PMEPA1: variants seen among roughly 807,000 people sequenced by gnomAD.
PMEPA1 encodes prostate transmembrane protein, androgen induced 1, also known as protein TMEPAI.
In PMEPA1, 11 loss-of-function variants were observed where a neutral mutation model predicts 23.0. That is an observed-to-expected ratio of 0.48 (90% CI 0.30 to 0.79). The LOEUF is 0.79. Among genes scored for constraint, PMEPA1 ranks in the 30% least tolerant of loss-of-function variants. The probability of loss-of-function intolerance (pLI) is 0.06; values close to 1 mark genes in which losing one functional copy is unlikely to be tolerated. For missense variants in PMEPA1, 377 were observed against 390.9 expected (o/e 0.96, Z 0.30); for synonymous variants, 204 against 166.4 (o/e 1.23, Z -1.74).
Position 57,655,980 on chromosome 20 carries a change from C to T in PMEPA1, c.265-2894G>A, listed in dbSNP as rs112802546. ...GACCTCATTGACAAAACCAGGCAGC[C>T]GCAGTGAGCTGACGCTCAGGCAGCT... On this transcript the variant is annotated intron_variant, in intron 2 of 3. Transcript: ENST00000341744. The surrounding 1 kb of genome is among the most constrained non-coding windows in gnomAD (Gnocchi z 4.2). 9.0e-4 allele frequency among the ~76,000 whole-genome samples: 137 copies of T among 152,084 alleles called. 1 individual carries two copies. Among genetic ancestry groups the T allele is most frequent in the African/African-American group, 3.0e-3 (126 of 41,528 alleles).
chr20:57,666,076 A>G (rs899320497), intron 1 of PMEPA1, among the ~76,000 whole-genome samples: 19 of 151,646 alleles, frequency 1.3e-4, no homozygotes, highest in African/African-American at 3.9e-4. Flanking sequence ...TGATGAATGC[A>G]GCAGGCTCTC....
chr20:57,694,887 GGTAA>G (rs1018225304), intron 1 of PMEPA1, among the ~76,000 whole-genome samples: 7 of 152,226 alleles, frequency 4.6e-5, no homozygotes, highest in African/African-American at 1.7e-4. Flanking sequence ...CCACAAAGCC[GGTAA>G]GTGAGGCTGC....
chr20:57,662,991 C>G (rs913478669), intron 1 of PMEPA1, among the ~76,000 whole-genome samples: 34 of 152,194 alleles, frequency 2.2e-4, no homozygotes, highest in Non-Finnish European at 4.7e-4. Flanking sequence ...CTCCTGGCCC[C>G]GCCAGGCTCG....
Position 57,695,574 on chromosome 20 carries a change from A to G in PMEPA1, c.109+13900T>C, listed in dbSNP as rs892067448. Among the ~76,000 whole-genome samples the G allele has an allele frequency of 2.6e-5, 4 of 152,210 alleles. 1 individual carries two copies. The highest frequency in any genetic ancestry group is 9.7e-5 in the African/African-American group (4 of 41,450). On this transcript the variant is annotated intron_variant, in intron 1 of 3. Transcript: ENST00000341744. ...TTGGGAGGCTGAAGCAGGAAGATCA[A>G]TTGAGATCAGAAGTTCGAGACCAGT...
At position 57,682,480 on chromosome 20, in the gene PMEPA1, C is replaced by T. The variant is rs157098; in HGVS notation, c.110-22783G>A. On this transcript the variant is annotated intron_variant, in intron 1 of 3. Coordinates refer to ENST00000341744, the MANE Select transcript of PMEPA1 (RefSeq NM_020182.5). The surrounding 1 kb of genome is among the most constrained non-coding windows in gnomAD (Gnocchi z 4.4). ...CTCCCTGGAGTGTCGGGGTCCTAGG[C>T]GCCGGCCCAGAGGAGTTTCAAAGTC... is the stretch of plus-strand genomic sequence containing the variant. Among the ~76,000 whole-genome samples the T allele has an allele frequency of 0.26, 38,824 of 152,026 alleles. 4,899 individuals carry two copies. Among genetic ancestry groups the T allele is most frequent in the Admixed American group, 0.29 (4,371 of 15,274 alleles).
chr20:57,687,117 T>C (rs1326512346), intron 1 of PMEPA1, among the ~76,000 whole-genome samples: 1 of 152,272 alleles, frequency 6.6e-6, no homozygotes. Context: ...GCACAGCCTC[T>C]GGTTCTGCCC....
Position 57,649,989 on chromosome 20 carries a change from G to A in PMEPA1, c.*2064C>T, listed in dbSNP as rs2235825. 0.09 allele frequency: 13,731 copies of A among 152,684 alleles called. 841 individuals are homozygous for A. Among genetic ancestry groups the A allele is most frequent in the East Asian group, 0.34 (1,759 of 5,164 alleles). The allele number at this position is 152,684 out of a possible 1,614,324, so 9.5% of individuals were successfully genotyped here. ...GATAACCTGTACTGATTTCTCTGCA[G>A]GACCTTTTCAAAGAATCCTCTTCAA... is the stretch of plus-strand genomic sequence containing the variant. On this transcript the variant is annotated 3_prime_UTR_variant, in exon 4 of 4. Transcript: ENST00000341744.
At chr20:57,653,873 A>AT (rs1383961344) in intron 2 of PMEPA1, among the ~76,000 whole-genome samples, 1 of 151,802 alleles carries the variant, frequency 6.6e-6, no homozygotes, top group African/African-American at 2.4e-5. Flanking sequence ...TCCTAACTTA[A>AT]TCATTGCTTC....
At chr20:57,677,775 C>CAAAA (rs1000884853) in intron 1 of PMEPA1, among the ~76,000 whole-genome samples, 1 of 151,446 alleles carries the variant, frequency 6.6e-6, no homozygotes, top group African/African-American at 2.4e-5. Flanking sequence ...AACAAACAAA[C>CAAAA]AAAAAAAACT....
chr20:57,679,542 C>T (rs1358711891), intron 1 of PMEPA1, among the ~76,000 whole-genome samples: 5 of 152,226 alleles, frequency 3.3e-5, no homozygotes, highest in East Asian at 1.9e-4. Context: ...AAATTGACAT[C>T]GTTCAGTGGC....
intron 1 of PMEPA1, among the ~76,000 whole-genome samples, chr20:57,688,510 G>A (rs567171296): frequency 6.1e-4 from 93 of 152,288 alleles, no homozygotes; most frequent in African/African-American, 1.9e-3. Context: ...GAGAACCCCA[G>A]AGTTAGAGTA....
Position 57,655,145 on chromosome 20 carries a change from A to G in PMEPA1, c.265-2059T>C, listed in dbSNP as rs1223615707. Among the ~76,000 whole-genome samples, 1 of 152,184 alleles carries G rather than the reference A, an allele frequency of 6.6e-6. No individual in the cohort carries two copies. The highest frequency in any genetic ancestry group is 2.4e-5 in the African/African-American group (1 of 41,450). On this transcript the variant is annotated intron_variant, in intron 2 of 3. Coordinates refer to ENST00000341744, the MANE Select transcript of PMEPA1 (RefSeq NM_020182.5). This position sits in a 1 kb window ranked among gnomAD's most constrained non-coding sequence, Gnocchi z 4.2. ...CAATGCACCATACAGTGTGTTCTGC[A>G]AGGTGCCCAGTGAACACAGACTCTC...
intron 1 of PMEPA1, among the ~76,000 whole-genome samples, chr20:57,673,218 TG>T (rs2071593162): frequency 6.6e-6 from 1 of 151,276 alleles, no homozygotes; most frequent in African/African-American, 2.4e-5. Context: ...CCCACCTGCC[TG>T]GGGTGCCTGC....
At chr20:57,705,401 T>G (rs1600678139) in intron 1 of PMEPA1, among the ~76,000 whole-genome samples, 1 of 152,168 alleles carries the variant, frequency 6.6e-6, no homozygotes. Flanking sequence ...TCAGAAAACC[T>G]GTGGGTGAAA....
Position 57,682,991 on chromosome 20 carries a change from A to G in PMEPA1, c.110-23294T>C, listed in dbSNP as rs1015625276. ...CTCCAACTCTTCAGAAAAGGAGAAG[A>G]AGAAGAAAAAAGAGTCCAAGCCTCC... On this transcript the variant is annotated intron_variant, in intron 1 of 3. Transcript: ENST00000341744. The surrounding 1 kb of genome is among the most constrained non-coding windows in gnomAD (Gnocchi z 4.4). Among the ~76,000 whole-genome samples, 1 of 152,212 alleles carries G rather than the reference A, an allele frequency of 6.6e-6. No homozygotes were observed. The highest frequency in any genetic ancestry group is 2.4e-5 in the African/African-American group (1 of 41,448).
Position 57,651,148 on chromosome 20 carries a change from CT to C in PMEPA1, c.*904del, listed in dbSNP as rs2071221822. 6.6e-6 allele frequency: 1 copy of C among 152,246 alleles called. No homozygotes were observed. The highest frequency in any genetic ancestry group is 2.1e-4 in the South Asian group (1 of 4,834). 9.4% of individuals were successfully genotyped at this position (152,246 alleles called of 1,614,324 possible). Reference sequence around the variant, plus strand: ...CTCCGTGGTTAACTTTCCTATTTTGCTTGTGATTTAAAGGCTGTTCTGGGTC... The same window carrying C: ...CTCCGTGGTTAACTTTCCTATTTTGCTGTGATTTAAAGGCTGTTCTGGGTC... On this transcript the variant is annotated 3_prime_UTR_variant, in exon 4 of 4. Transcript: ENST00000341744.
chr20:57,653,544 A>C (rs60710573), intron 2 of PMEPA1, among the ~76,000 whole-genome samples: 15,156 of 152,252 alleles, frequency 0.1, 1,431 homozygotes, highest in African/African-American at 0.25. Context: ...ACAGTTCTTG[A>C]GATTACAGTA....
chr20:57,709,550 G>A lies in PMEPA1; in HGVS notation c.33C>T (p.Ala11=), dbSNP rs1192083402. 2 of 1,102,090 alleles carry A rather than the reference G, an allele frequency of 1.8e-6. No individual in the cohort carries two copies. Among genetic ancestry groups the A allele is most frequent in the Non-Finnish European group, 2.3e-6 (2 of 886,558 alleles). The allele number at this position is 1,102,090 out of a possible 1,614,324, so 68.3% of individuals were successfully genotyped here. A position where few individuals can be genotyped will look rare whatever the true frequency, so the allele number is the denominator to read the frequency against. MHRLMGVNST[A]AAAAGQPNVS... is the part of the protein sequence containing the mutation. ...CATTGGGCTGCCCGGCGGCGGCGGCGGCGGTGCTGTTGACCCCCATCAAGC... is the reference window on the plus strand; with the variant it reads ...CATTGGGCTGCCCGGCGGCGGCGGCAGCGGTGCTGTTGACCCCCATCAAGC... Residue 11 remains alanine (A), a synonymous_variant, in exon 1 of 4, where the codon GCC becomes GCT. Coordinates refer to ENST00000341744, the MANE Select transcript of PMEPA1 (RefSeq NM_020182.5).
At chr20:57,666,669 A>C (rs1442159769) in intron 1 of PMEPA1, among the ~76,000 whole-genome samples, 1 of 152,230 alleles carries the variant, frequency 6.6e-6, no homozygotes, top group Admixed American at 6.5e-5. Context: ...GCAGTCCATG[A>C]AGCTGGTATT....
Sources: allele counts gnomAD v4.1 joint callset (sites outside exome capture counted in the v4.1 genomes callset), GRCh38; gene constraint gnomAD v4.1.1; non-coding constraint Gnocchi (gnomAD v3.1); transcripts MANE v1.5; gene names NCBI Gene and HGNC (gene_info 2026-07-23, HGNC 2026-07-21).